IGFL2: variants seen among roughly 807,000 people sequenced by gnomAD.
IGFL2 encodes the protein IGF like family member 2.
IGFL2 carries 7 observed loss-of-function variants against 13.9 expected under a neutral mutation model. That is an observed-to-expected ratio of 0.51 (90% CI 0.29 to 0.95). IGFL2 has a LOEUF of 0.95. Ranked by LOEUF, IGFL2 falls within the 40% of genes least tolerant of loss-of-function variation. IGFL2 has a pLI of 0.08. For missense variants in IGFL2, 138 were observed against 147.8 expected (o/e 0.93, Z 0.34); for synonymous variants, 55 against 55.8 (o/e 0.99, Z 0.07).
At chr19:46,110,309 G>A in the IGFL2 span, among the ~76,000 whole-genome samples, 1 of 152,192 alleles carries the variant, frequency 6.6e-6, no homozygotes, top group Non-Finnish European at 1.5e-5. Flanking sequence ...GGGTCTGAGT[G>A]TACTCAATAA....
At chr19:46,089,079 G>A in the IGFL2 span, among the ~76,000 whole-genome samples, 1 of 151,892 alleles carries the variant, frequency 6.6e-6, no homozygotes, top group South Asian at 2.1e-4. Context: ...CTGTTCCTTT[G>A]TGGTTAAGTG....
the IGFL2 span, among the ~76,000 whole-genome samples, chr19:46,125,903 T>C: frequency 6.6e-6 from 1 of 152,238 alleles, no homozygotes; most frequent in African/African-American, 2.4e-5. Context: ...ATCATTCTTA[T>C]TCCAAATGAA....
chr19:46,091,012 G>A, the IGFL2 span, among the ~76,000 whole-genome samples: 2 of 152,140 alleles, frequency 1.3e-5, no homozygotes, highest in East Asian at 3.9e-4. Context: ...GGGTAATTTG[G>A]GTGACATAAA....
At chr19:46,094,928 G>T in the IGFL2 span, among the ~76,000 whole-genome samples, 1 of 152,020 alleles carries the variant, frequency 6.6e-6, no homozygotes, top group Non-Finnish European at 1.5e-5. Context: ...CTAGTCTATC[G>T]TTGATGGGCA....
At chr19:46,194,852 ATTTTTTTTTTTTTTTTTTTT>A in the IGFL2 span, among the ~76,000 whole-genome samples, 17 of 31,590 alleles carry the variant, frequency 5.4e-4, no homozygotes, top group Admixed American at 5.7e-3. Context: ...ATATATATAT[ATTTTTTTTTTTTTTTTTTTT>A]TTTTTTTTGG....
the IGFL2 span, among the ~76,000 whole-genome samples, chr19:46,197,695 C>A: frequency 6.6e-6 from 1 of 152,224 alleles, no homozygotes; most frequent in African/African-American, 2.4e-5. Flanking sequence ...CTGTGCCCAG[C>A]TAATTTTTGT....
chr19:46,157,611 C>G (rs1973894498), intron 1 of IGFL2, among the ~76,000 whole-genome samples: 1 of 152,052 alleles, frequency 6.6e-6, no homozygotes, highest in Non-Finnish European at 1.5e-5. Context: ...CCCAGAAAAA[C>G]AGGAATAGGG....
the IGFL2 span, among the ~76,000 whole-genome samples, chr19:46,187,515 C>T: frequency 1.5e-5 from 2 of 133,182 alleles, no homozygotes; most frequent in Non-Finnish European, 3.1e-5. Context: ...GTGTGTGCTA[C>T]CTGATCAGAG....
chr19:46,139,951 C>G (rs1285887306), upstream of IGFL2, among the ~76,000 whole-genome samples: 1 of 151,968 alleles, frequency 6.6e-6, no homozygotes, highest in Non-Finnish European at 1.5e-5. Flanking sequence ...CACACACACA[C>G]ACACATATAT....
At chr19:46,086,663 T>C in the IGFL2 span, among the ~76,000 whole-genome samples, 5 of 152,224 alleles carry the variant, frequency 3.3e-5, no homozygotes, top group African/African-American at 1.2e-4. Flanking sequence ...TGCTAGTGAA[T>C]TATTGTGTTC....
intron 1 of IGFL2, among the ~76,000 whole-genome samples, chr19:46,149,250 C>T (rs928803811): frequency 6.8e-6 from 1 of 147,766 alleles, no homozygotes; most frequent in South Asian, 2.3e-4. Flanking sequence ...CTCTCTCTCT[C>T]TTTCTCTTTC....
the IGFL2 span, among the ~76,000 whole-genome samples, chr19:46,083,815 T>C: frequency 6.6e-6 from 1 of 152,272 alleles, no homozygotes; most frequent in East Asian, 1.9e-4. Flanking sequence ...AGTGGTTGAC[T>C]TGGCTTCTGG....
chr19:46,103,929 G>A, the IGFL2 span, among the ~76,000 whole-genome samples: 2 of 152,176 alleles, frequency 1.3e-5, no homozygotes, highest in Non-Finnish European at 2.9e-5. Flanking sequence ...TTCTGGAATG[G>A]TGAACCCAAT....
chr19:46,080,290 T>C, the IGFL2 span, among the ~76,000 whole-genome samples: 1 of 152,268 alleles, frequency 6.6e-6, no homozygotes, highest in East Asian at 1.9e-4. Context: ...TTCCAGCACT[T>C]TGGGAGGCCA....
upstream of IGFL2, among the ~76,000 whole-genome samples, chr19:46,138,647 T>G (rs1434667483): frequency 6.6e-6 from 1 of 152,124 alleles, no homozygotes; most frequent in East Asian, 1.9e-4. Flanking sequence ...CTGCAAAGGC[T>G]CTCTGATAGT....
chr19:46,096,778 G>A, the IGFL2 span, among the ~76,000 whole-genome samples: 275 of 152,196 alleles, frequency 1.8e-3, 2 homozygotes, highest in South Asian at 0.016. Context: ...TGAGATAATT[G>A]TGTGGTTTTT....
In IGFL2 at chr19:46,161,151, T is replaced by C. The variant is rs1974147769; in HGVS notation, c.*63T>C. On this transcript the variant is annotated 3_prime_UTR_variant, in exon 4 of 4. Coordinates refer to ENST00000377693, the MANE Select transcript of IGFL2 (RefSeq NM_001135113.2). Reference sequence around the variant, plus strand: ...CTCAGAAACATAGGCTAAGGTAATATGTGTACCAGTAGAGAAGCCTGAGGA... The same window carrying C: ...CTCAGAAACATAGGCTAAGGTAATACGTGTACCAGTAGAGAAGCCTGAGGA... 1.6e-6 allele frequency: 2 copies of C among 1,269,258 alleles called. No individual in the cohort carries two copies. Among genetic ancestry groups the C allele is most frequent in the East Asian group, 2.4e-5 (1 of 41,152 alleles). 78.6% of individuals were successfully genotyped at this position (1,269,258 alleles called of 1,614,324 possible). A position where few individuals can be genotyped will look rare whatever the true frequency, so the allele number is the denominator to read the frequency against.
chr19:46,148,385 A>G (rs1229919005), intron 1 of IGFL2, 88 bp downstream of exon 1: 10 of 1,189,562 alleles, frequency 8.4e-6, no homozygotes, highest in South Asian at 7.8e-5. Context: ...TCTCTTCCCT[A>G]TTTAATTCTT....
intron 1 of IGFL2, chr19:46,158,908 G>A (rs1973974861): frequency 6.6e-6 from 1 of 152,156 alleles, no homozygotes; most frequent in South Asian, 2.1e-4. Flanking sequence ...CATCACTGAG[G>A]GCTGGCTTCC....
Sources: allele counts gnomAD v4.1 joint callset (sites outside exome capture counted in the v4.1 genomes callset), GRCh38; gene constraint gnomAD v4.1.1; transcripts MANE v1.5; gene names NCBI Gene and HGNC (gene_info 2026-07-23, HGNC 2026-07-21).